Variants in PLCB1 observed in about 807,000 individuals in gnomAD.
The protein encoded by PLCB1 is phospholipase C beta 1.
PLCB1 carries 46 observed loss-of-function variants against 161.8 expected under a neutral mutation model. The observed-to-expected ratio is 0.28, with a 90% CI of 0.22 to 0.36. The LOEUF (loss-of-function observed/expected upper bound fraction) is 0.36. Among genes scored for constraint, PLCB1 ranks in the 10% least tolerant of loss-of-function variants. The pLI, the probability that PLCB1 is intolerant of heterozygous loss-of-function variation, is 1.00. For missense variants in PLCB1, 1,016 were observed against 1,472.5 expected, an observed-to-expected ratio of 0.69 and a Z score of 5.07; for synonymous variants, 517 against 503.7, an observed-to-expected ratio of 1.03 and a Z score of -0.35.
intron 31 of PLCB1, among the ~76,000 whole-genome samples, chr20:8,868,798 GT>G (rs956896630): frequency 6.6e-6 from 1 of 151,460 alleles, no homozygotes; most frequent in African/African-American, 2.4e-5. Flanking sequence ...CACGCAGCCA[GT>G]TTTTTTTTAT....
chr20:8,742,827 G>A (rs950097282), intron 23 of PLCB1, among the ~76,000 whole-genome samples: 2 of 151,876 alleles, frequency 1.3e-5, no homozygotes, highest in African/African-American at 4.8e-5. Flanking sequence ...TTTATTTGTG[G>A]GTACATAGTA....
At chr20:8,677,359 C>T (rs1250031438) in intron 9 of PLCB1, among the ~76,000 whole-genome samples, 5 of 152,026 alleles carry the variant, frequency 3.3e-5, no homozygotes, top group Admixed American at 6.5e-5. Context: ...AAGCCGAGAT[C>T]GCACCATTGC....
intron 2 of PLCB1, among the ~76,000 whole-genome samples, chr20:8,168,541 C>T (rs1488851656): frequency 6.6e-6 from 1 of 152,108 alleles, no homozygotes; most frequent in Non-Finnish European, 1.5e-5. Flanking sequence ...GAAGTAAAGC[C>T]GCATCCCAAC....
intron 3 of PLCB1, chr20:8,371,959 T>C (rs1402381946): frequency 6.6e-6 from 1 of 152,308 alleles, no homozygotes; most frequent in East Asian, 1.9e-4. Flanking sequence ...TTGTTTTGGT[T>C]TGAAAAACTT....
intron 31 of PLCB1, among the ~76,000 whole-genome samples, chr20:8,796,907 T>C (rs1231057885): frequency 6.6e-6 from 1 of 152,258 alleles, no homozygotes; most frequent in African/African-American, 2.4e-5. Flanking sequence ...TTTTTTCTTG[T>C]ATCTTCTGCC....
chr20:8,716,434 T>C (rs930852627), intron 13 of PLCB1, 86 bp downstream of exon 13: 7 of 966,382 alleles, frequency 7.2e-6, no homozygotes, highest in Non-Finnish European at 1.2e-5. Flanking sequence ...CTTTTCATAT[T>C]TATGTTTCTT....
chr20:8,823,686 T>A (rs1308586001), intron 31 of PLCB1, among the ~76,000 whole-genome samples: 1 of 152,240 alleles, frequency 6.6e-6, no homozygotes, highest in South Asian at 2.1e-4. Flanking sequence ...TATTCCCTAG[T>A]GGCATCTTTG....
intron 4 of PLCB1, among the ~76,000 whole-genome samples, chr20:8,632,024 GGTTTTTTTTGCTTTT>G (rs1988604378): frequency 1.1e-5 from 1 of 91,776 alleles, no homozygotes; most frequent in Non-Finnish European, 2.2e-5. Flanking sequence ...GACAAATATG[GGTTTTTTTTGCTTTT>G]TTTTTTTTTT....
intron 9 of PLCB1, among the ~76,000 whole-genome samples, chr20:8,681,579 G>A (rs1483448416): frequency 6.6e-6 from 1 of 152,138 alleles, no homozygotes; most frequent in Non-Finnish European, 1.5e-5. Flanking sequence ...ATATGCATGT[G>A]TATACAAGAA....
In PLCB1 at chr20:8,824,179, G is replaced by T. The variant is rs569522541; in HGVS notation, c.3423+33918G>T. 3.9e-5 allele frequency among the ~76,000 whole-genome samples: 6 copies of T among 152,172 alleles called. No individual in the cohort carries two copies. The South Asian group carries it at 1.2e-3, about 32-fold the overall frequency. On this transcript the variant is annotated intron_variant, in intron 31 of 31. Coordinates refer to ENST00000338037, the MANE Select transcript of PLCB1 (RefSeq NM_015192.4). ...TTACTATTAGACTGCAGATTGTTGG[G>T]CCTGTAAGTAGGACACACATTGCCT... is the stretch of plus-strand genomic sequence containing the variant.
At chr20:8,308,588 G>A (rs1171182320) in intron 2 of PLCB1, among the ~76,000 whole-genome samples, 2 of 140,438 alleles carry the variant, frequency 1.4e-5, no homozygotes, top group African/African-American at 2.7e-5. Context: ...CTGCGCTGCA[G>A]TCTGGGCAAC....
intron 3 of PLCB1, among the ~76,000 whole-genome samples, chr20:8,606,874 A>G (rs933839513): frequency 1.2e-4 from 19 of 152,194 alleles, no homozygotes; most frequent in Admixed American, 1.2e-3. Flanking sequence ...TCTGTTGTTA[A>G]AAATTTCCCT....
chr20:8,446,973 G>T (rs908957962), intron 3 of PLCB1, among the ~76,000 whole-genome samples: 1 of 151,982 alleles, frequency 6.6e-6, no homozygotes, highest in Non-Finnish European at 1.5e-5. Context: ...AAGAGGACTC[G>T]GTGATCTGGA....
intron 3 of PLCB1, among the ~76,000 whole-genome samples, chr20:8,434,614 T>C (rs1444145627): frequency 6.6e-6 from 1 of 152,220 alleles, no homozygotes; most frequent in Non-Finnish European, 1.5e-5. Flanking sequence ...ATTCTACTGG[T>C]ATTTCAACAC....
chr20:8,136,167 T>C (rs909288779), intron 1 of PLCB1, among the ~76,000 whole-genome samples: 1 of 152,196 alleles, frequency 6.6e-6, no homozygotes, highest in African/African-American at 2.4e-5. Flanking sequence ...GATCTTACTG[T>C]GGGCAGGTTG....
chr20:8,310,329 G>A (rs562963293), intron 2 of PLCB1, among the ~76,000 whole-genome samples: 45 of 152,298 alleles, frequency 3.0e-4, no homozygotes, highest in African/African-American at 9.1e-4. Flanking sequence ...ATACTACTTA[G>A]CAACACAAAG....
chr20:8,463,146 AGTGTGTGTGTGT>A (rs11472638), intron 3 of PLCB1, among the ~76,000 whole-genome samples: 7 of 144,784 alleles, frequency 4.8e-5, no homozygotes, highest in Non-Finnish European at 9.1e-5. Flanking sequence ...AGTACAGAGC[AGTGTGTGTGTGT>A]GTGTGTGTGT....
intron 3 of PLCB1, among the ~76,000 whole-genome samples, chr20:8,557,630 A>C (rs1986006336): frequency 6.6e-6 from 1 of 152,016 alleles, no homozygotes; most frequent in African/African-American, 2.4e-5. Flanking sequence ...GTTGGTGATG[A>C]TTGCACAACA....
chr20:8,631,654 A>G (rs1045503094), intron 4 of PLCB1, among the ~76,000 whole-genome samples: 3 of 152,102 alleles, frequency 2.0e-5, no homozygotes, highest in African/African-American at 7.2e-5. Flanking sequence ...TTAGCACAGC[A>G]TTTTTCAGTA....
Sources: gnomAD v4.1 joint callset for allele counts (sites outside exome capture counted in the v4.1 genomes callset) on GRCh38, gnomAD v4.1.1 for gene constraint, MANE v1.5 for transcripts, NCBI Gene and HGNC (gene_info 2026-07-23, HGNC 2026-07-21) for gene names.